The following SLC26A6 variants were observed in gnomAD, a reference collection of about 807,000 sequenced individuals.
SLC26A6 encodes the protein anion exchange transporter.
SLC26A6 carries 67 observed loss-of-function variants against 87.1 expected under a neutral mutation model. The ratio of observed to expected loss-of-function variants is 0.77; its 90% confidence interval spans 0.63 to 0.94. The LOEUF (loss-of-function observed/expected upper bound fraction) is 0.94. Among genes scored for constraint, SLC26A6 ranks in the 40% least tolerant of loss-of-function variants. SLC26A6 has a pLI of 0.00. For synonymous variants in SLC26A6, 414 were observed against 405.9 expected (o/e 1.02, Z -0.24); for missense variants, 902 against 973.0 (o/e 0.93, Z 0.97).
In SLC26A6 at chr3:48,630,862, C is replaced by T. The variant is rs1197257700; in HGVS notation, c.1134+131G>A. On this transcript the variant is annotated intron_variant, in intron 9 of 20. Transcript: ENST00000395550. ...TGGATGCTGTCCCACACGTCCTGCT[C>T]TCCCACCCTCAGTCCCCCACGTGGC... The T allele has an allele frequency of 2.0e-6, 3 of 1,520,994 alleles. No homozygotes were observed. In the African/African-American group the frequency reaches 4.1e-5, roughly 21 times the overall value. 94.2% of individuals were successfully genotyped at this position (1,520,994 alleles called of 1,614,324 possible). A position where few individuals can be genotyped will look rare whatever the true frequency, so the allele number is the denominator to read the frequency against.
rs887721269 is a variant in SLC26A6, at chr3:48,626,266, G to A, written c.2217C>T (p.Val739=). Residue 739 remains valine, a synonymous_variant, in exon 20 of 21, where the codon GTC becomes GTT. Transcript: ENST00000395550. The stretch of plus-strand genomic sequence containing the variant: ...GCCTCGGGTGTTGGAGGGCAAAGGT[G>A]ACAGCATCATGGACAGAGGCAAAGA... ...KHLFASVHDA[V]TFALQHPRPV... The A allele has an allele frequency of 1.9e-6, 3 of 1,614,092 alleles. No homozygotes were observed. The highest frequency in any genetic ancestry group is 2.5e-6 in the Non-Finnish European group (3 of 1,180,012).
At position 48,626,367 on chromosome 3, in the gene SLC26A6, A is replaced by G. The variant is rs1489178866; in HGVS notation, c.2129-13T>C. ...CTGACCACAGGGCCTGTGGGCAAGA[A>G]GTAGGCCTCCCCTGACTCTCAGAAC... is the stretch of plus-strand genomic sequence containing the variant. On this transcript the variant is annotated splice_polypyrimidine_tract_variant and intron_variant, in intron 19 of 20. Transcript: ENST00000395550. The G allele has an allele frequency of 1.9e-6, 3 of 1,613,822 alleles. No homozygotes were observed. The highest frequency in any genetic ancestry group is 2.5e-6 in the Non-Finnish European group (3 of 1,179,982).
chr3:48,627,310 G>T, intron 17 of SLC26A6: 1 of 499,162 alleles, frequency 2.0e-6, no homozygotes, highest in Non-Finnish European at 3.6e-6. Context: ...GACACGAGAA[G>T]GGAGTCCCTG....
chr3:48,631,901 A>C lies in SLC26A6; in HGVS notation c.729T>G (p.Ser243=). The C allele has an allele frequency of 6.2e-7, 1 of 1,613,572 alleles. No homozygotes were observed. Residue 243 remains serine (S), a synonymous_variant, in exon 6 of 21, where the codon TCT becomes TCG. Transcript: ENST00000395550. The part of the protein sequence containing the change: ...YVFGLHLSSH[S]GPLSLIYTVL... ...TCACATAGATGAGGGACAGTGGCCC[A>C]GAGTGGCTGCTCAGATGGAGGCCAA...
At position 48,628,815 on chromosome 3, in the gene SLC26A6, G is replaced by A. The variant is rs1300908104; in HGVS notation, c.1600-101C>T. On this transcript the variant is annotated intron_variant, in intron 14 of 20. Transcript: ENST00000395550. The surrounding 1 kb of genome is among the most constrained non-coding windows in gnomAD (Gnocchi z 4.4). The stretch of plus-strand genomic sequence containing the variant: ...CCTAGTGTGCCCAGTGCCTGCCACC[G>A]CCCAGCCCTCTGCTCCCCAGGCTGC... 2.8e-5 allele frequency: 38 copies of A among 1,361,008 alleles called. No individual in the cohort carries two copies. In the South Asian group the frequency reaches 3.7e-4, roughly 13 times the overall value. 84.3% of individuals were successfully genotyped at this position (1,361,008 alleles called of 1,614,324 possible).
chr3:48,628,880 G>A lies in SLC26A6; in HGVS notation c.1600-166C>T, dbSNP rs1034415487. ...CAGGGGCTTAGGCCACAAGCCCGACGGTGTCATCCCCATCCCCCCACAGTG... is the reference window on the plus strand; with the variant it reads ...CAGGGGCTTAGGCCACAAGCCCGACAGTGTCATCCCCATCCCCCCACAGTG... On this transcript the variant is annotated intron_variant, in intron 14 of 20. Coordinates refer to ENST00000395550, the MANE Select transcript of SLC26A6 (RefSeq NM_022911.3). The surrounding 1 kb of genome is among the most constrained non-coding windows in gnomAD (Gnocchi z 4.4). Among the ~76,000 whole-genome samples the A allele has an allele frequency of 1.1e-4, 17 of 152,088 alleles. No individual in the cohort carries two copies. The highest frequency in any genetic ancestry group is 3.9e-4 in the African/African-American group (16 of 41,388).
Position 48,628,737 on chromosome 3 carries a change from G to T in SLC26A6, c.1600-23C>A. ...GGCCTGGGGATGAGGCAGAACTGGT[G>T]GTGGCTGAATCTCCTCTCTCCTGGC... On this transcript the variant is annotated intron_variant, in intron 14 of 20. Coordinates refer to ENST00000395550, the MANE Select transcript of SLC26A6 (RefSeq NM_022911.3). The surrounding 1 kb of genome is among the most constrained non-coding windows in gnomAD (Gnocchi z 4.4). 6.2e-7 allele frequency: 1 copy of T among 1,609,562 alleles called. No homozygotes were observed. Among genetic ancestry groups the T allele is most frequent in the South Asian group, 1.1e-5 (1 of 90,742 alleles).
chr3:48,629,676 G>C lies in SLC26A6; in HGVS notation c.1565C>G (p.Thr522Arg). ...HYSVLGQVPD[T>R]DIYRDVAEYS... ...CTCTGCCACATCTCTGTAAATATCC[G>C]TGTCTGGCACCTGCCCCAGGACAGA... Residue 522 changes from threonine to arginine, a missense_variant, in exon 14 of 21, where the codon ACG becomes AGG. Coordinates refer to ENST00000395550, the MANE Select transcript of SLC26A6 (RefSeq NM_022911.3). The C allele has an allele frequency of 6.2e-7, 1 of 1,613,450 alleles. No individual in the cohort carries two copies. The highest frequency in any genetic ancestry group is 1.7e-5 in the Admixed American group (1 of 59,940).
intron 4 of SLC26A6, chr3:48,632,624 A>T (rs1334511185): frequency 4.2e-6 from 3 of 707,536 alleles, no homozygotes; most frequent in Non-Finnish European, 7.6e-6. Context: ...TGTCTCATCT[A>T]CCCTGTCCCA....
rs765994699 is a variant in SLC26A6 at position 48,628,605 on chromosome 3, T to C, written c.1692+17A>G. ...GGGAGCTGGGGCCTGACACCCATCC[T>C]GGGGACTCCGTCTCACCCTCTGCTT... is the stretch of plus-strand genomic sequence containing the variant. On this transcript the variant is annotated intron_variant, in intron 15 of 20. Coordinates refer to ENST00000395550, the MANE Select transcript of SLC26A6 (RefSeq NM_022911.3). The surrounding 1 kb of genome is among the most constrained non-coding windows in gnomAD (Gnocchi z 4.4). The C allele has an allele frequency of 1.2e-6, 2 of 1,613,964 alleles. No individual in the cohort carries two copies. The highest frequency in any genetic ancestry group is 8.5e-7 in the Non-Finnish European group (1 of 1,179,978).
rs555170135 is a variant in SLC26A6, at chr3:48,635,411, G to T, written c.-18C>A. On this transcript the variant is annotated 5_prime_UTR_variant, in exon 1 of 21. Transcript: ENST00000395550. ...AGCCCCATGGCTCGCAAGTTGTCCG[G>T]TGCGGGCTGCTCCTGCTGCTCGAGC... The T allele has an allele frequency of 3.2e-5, 50 of 1,579,220 alleles. No homozygotes were observed. In the South Asian group the frequency reaches 5.5e-4, roughly 17 times the overall value.
In SLC26A6 at chr3:48,626,643, C is replaced by T. The variant is rs773506617; in HGVS notation, c.2116G>A (p.Ala706Thr). Residue 706 changes from alanine to threonine, a missense_variant, in exon 19 of 21, where the codon GCG becomes ACG. By Grantham distance (58) the Ala-to-Thr change is moderately conservative. Transcript: ENST00000395550. ...FREIEVEVYM[A>T]ACHSPVVSQL... is the part of the protein sequence containing the mutation. ...CCACCCTACTCACTGTGGCAGGCCG[C>T]CATGTACACCTCCACCTCAATCTCC... 16 of 1,614,068 alleles carry T rather than the reference C, an allele frequency of 9.9e-6. No individual in the cohort carries two copies. In the South Asian group the frequency reaches 1.4e-4, roughly 14 times the overall value.
rs115795919 is a variant in SLC26A6, at chr3:48,626,467, C to T, written c.2129-113G>A. On this transcript the variant is annotated intron_variant, in intron 19 of 20. Transcript: ENST00000395550. ...CCCCTGACCTCCACCCCTGAGGCTA[C>T]AGCTGAATCCACATCACTTGTAACC... 3,111 of 1,549,358 alleles carry T rather than the reference C, an allele frequency of 2.0e-3. 61 individuals are homozygous for T. The African/African-American group carries it at 0.039, about 19-fold the overall frequency.
intron 7 of SLC26A6, 149 bp downstream of exon 7, chr3:48,631,500 A>C: frequency 8.7e-7 from 1 of 1,155,942 alleles, no homozygotes; most frequent in Middle Eastern, 2.5e-4. Context: ...AGAAACCAAC[A>C]TAGGGGCTTT....
At chr3:48,634,863 T>C in intron 1 of SLC26A6, 1 of 607,510 alleles carries the variant, frequency 1.6e-6, no homozygotes, top group Non-Finnish European at 2.1e-6. Context: ...CGTGAGTCAC[T>C]CAGGTCTTCT....
intron 5 of SLC26A6, 82 bp downstream of exon 5, chr3:48,632,163 C>A: frequency 1.3e-6 from 2 of 1,575,586 alleles, no homozygotes; most frequent in South Asian, 2.3e-5. Flanking sequence ...CGACGATGGT[C>A]AGACACTCAG....
chr3:48,634,857 A>G (rs2046910027), intron 1 of SLC26A6: 23 of 659,178 alleles, frequency 3.5e-5, no homozygotes, highest in Non-Finnish European at 4.1e-5. Flanking sequence ...TTCCTACGTG[A>G]GTCACTCAGG....
chr3:48,630,296 G>T, intron 11 of SLC26A6, 139 bp from the exon 12 acceptor site: 1 of 1,299,780 alleles, frequency 7.7e-7, no homozygotes, highest in Non-Finnish European at 1.1e-6. Flanking sequence ...CCTGACCCTT[G>T]TCTCCAAATC....
At position 48,633,005 on chromosome 3, in the gene SLC26A6, G is replaced by C. The variant is rs757654113; in HGVS notation, c.402C>G (p.Phe134Leu). ...AGATGTGCCGGGAAGTGCCAAACAG[G>C]AAGTAGATGAAGACAGGGTAGAAGG... Reference protein sequence around the residue: ...YSSFYPVFIYFLFGTSRHISV... With the variant: ...YSSFYPVFIYLLFGTSRHISV... The change falls in exon 4 of 21, where the codon TTC becomes TTG. Residue 134 changes from phenylalanine (F) to leucine (L), a missense_variant. Transcript: ENST00000395550. 6.2e-7 allele frequency: 1 copy of C among 1,613,666 alleles called. No homozygotes were observed. The highest frequency in any genetic ancestry group is 2.2e-5 in the East Asian group (1 of 44,886).
Sources: gnomAD v4.1 joint callset for allele counts (sites outside exome capture counted in the v4.1 genomes callset) on GRCh38, gnomAD v4.1.1 for gene constraint, Gnocchi (gnomAD v3.1) non-coding constraint, MANE v1.5 for transcripts, NCBI Gene and HGNC (gene_info 2026-07-23, HGNC 2026-07-21) for gene names.